Variants in SLC7A8 observed in about 807,000 individuals in gnomAD.
SLC7A8 encodes solute carrier family 7 member 8.
A neutral mutation model predicts 51.2 loss-of-function variants in SLC7A8; 30 were observed. The ratio of observed to expected loss-of-function variants is 0.59; its 90% CI spans 0.44 to 0.80. The LOEUF (loss-of-function observed/expected upper bound fraction) is 0.80. Ranked by LOEUF, SLC7A8 falls within the 30% of genes least tolerant of loss-of-function variation. The pLI is 0.00. For missense variants in SLC7A8, 612 were observed against 674.4 expected, an observed-to-expected ratio of 0.91 and a Z score of 1.03; for synonymous variants, 257 against 275.8, an observed-to-expected ratio of 0.93 and a Z score of 0.67.
At chr14:23,176,451 T>A (rs2140340951) in intron 1 of SLC7A8, among the ~76,000 whole-genome samples, 1 of 152,278 alleles carries the variant, frequency 6.6e-6, no homozygotes. Context: ...TGGTTACCAA[T>A]TAGAAATGAG....
chr14:23,176,712 C>T (rs1046887067), intron 1 of SLC7A8, among the ~76,000 whole-genome samples: 2 of 152,022 alleles, frequency 1.3e-5, no homozygotes, highest in Non-Finnish European at 2.9e-5. Context: ...GAGGCCAAGG[C>T]GGGCAGATCA....
At position 23,183,141 on chromosome 14, in the gene SLC7A8, A is replaced by T. The variant is rs80281690; in HGVS notation, c.-227T>A. On this transcript the variant is annotated 5_prime_UTR_variant, in exon 1 of 11. Transcript: ENST00000316902. ...TACAAACAAGAAAAGTGTTGCTAAA[A>T]AAAAAAAAAAAAAAAAAGGCCAGGG... 1 of 452,060 alleles carries T rather than the reference A, an allele frequency of 2.2e-6. No homozygotes were observed. The highest frequency in any genetic ancestry group is 3.0e-5 in the South Asian group (1 of 33,638). 28.0% of individuals were successfully genotyped at this position (452,060 alleles called of 1,614,324 possible).
rs149666229 is a variant in SLC7A8, at chr14:23,125,596, C to G, written c.*1581G>C. On this transcript the variant is annotated 3_prime_UTR_variant, in exon 11 of 11. Coordinates refer to ENST00000316902, the MANE Select transcript of SLC7A8 (RefSeq NM_012244.4). Reference sequence around the variant, plus strand: ...CCTCCAGGGGCCAACCCCAGCCTGCCGGGCATCTACTCTGAAGGGGTCACA... The same window carrying G: ...CCTCCAGGGGCCAACCCCAGCCTGCGGGGCATCTACTCTGAAGGGGTCACA... 1 of 152,470 alleles carries G rather than the reference C, an allele frequency of 6.6e-6. No homozygotes were observed. The highest frequency in any genetic ancestry group is 1.9e-4 in the East Asian group (1 of 5,178). 9.4% of individuals were successfully genotyped at this position (152,470 alleles called of 1,614,324 possible). A position where few individuals can be genotyped will look rare whatever the true frequency, so the allele number is the denominator to read the frequency against.
intron 6 of SLC7A8, 93 bp downstream of exon 6, chr14:23,139,331 A>C: frequency 6.3e-7 from 1 of 1,581,356 alleles, no homozygotes; most frequent in Non-Finnish European, 8.7e-7. Context: ...CCACTTCCAC[A>C]AGGCCATGGA....
chr14:23,127,736 C>G (rs551524235), intron 10 of SLC7A8, among the ~76,000 whole-genome samples: 12 of 152,352 alleles, frequency 7.9e-5, no homozygotes, highest in Admixed American at 3.9e-4. Flanking sequence ...TCTGTCTCAG[C>G]CTCCCAAAGT....
At chr14:23,178,543 A>C (rs1877022310) in intron 1 of SLC7A8, among the ~76,000 whole-genome samples, 1 of 151,554 alleles carries the variant, frequency 6.6e-6, no homozygotes, top group South Asian at 2.1e-4. Flanking sequence ...CAATCATTTG[A>C]GTAAGTATTC....
chr14:23,132,290 C>G (rs1453437601), intron 7 of SLC7A8, among the ~76,000 whole-genome samples: 2 of 152,120 alleles, frequency 1.3e-5, no homozygotes, highest in Non-Finnish European at 2.9e-5. Context: ...GCGTGAGCCA[C>G]CGCGCCTGGC....
intron 7 of SLC7A8, 35 bp downstream of exon 7, chr14:23,137,886 G>C (rs761385572): frequency 1.9e-6 from 3 of 1,607,776 alleles, no homozygotes; most frequent in Non-Finnish European, 2.5e-6. Context: ...CAGCAGAGTG[G>C]CCCCTGGCCG....
Position 23,165,209 on chromosome 14 carries a change from A to C in SLC7A8, c.508+76T>G. ...CTCCAGCCTGAGTGACAGAGTGAAGACTCTGTTTCTAAAAATAATAATAAT... is the reference window on the plus strand; with the variant it reads ...CTCCAGCCTGAGTGACAGAGTGAAGCCTCTGTTTCTAAAAATAATAATAAT... On this transcript the variant is annotated intron_variant, in intron 3 of 10. Coordinates refer to ENST00000316902, the MANE Select transcript of SLC7A8 (RefSeq NM_012244.4). This position sits in a 1 kb window ranked among gnomAD's most constrained non-coding sequence, Gnocchi z 4.2. 1 of 1,385,714 alleles carries C rather than the reference A, an allele frequency of 7.2e-7. No individual in the cohort carries two copies. Among genetic ancestry groups the C allele is most frequent in the South Asian group, 1.6e-5 (1 of 63,934 alleles). The allele number at this position is 1,385,714 out of a possible 1,614,324, so 85.8% of individuals were successfully genotyped here.
At chr14:23,173,370 G>A (rs73600417) in intron 1 of SLC7A8, among the ~76,000 whole-genome samples, 5,568 of 152,280 alleles carry the variant, frequency 0.037, 335 homozygotes, top group African/African-American at 0.13. Context: ...GCTGATGAGT[G>A]AGTAGACTCA....
intron 1 of SLC7A8, among the ~76,000 whole-genome samples, chr14:23,180,011 T>C (rs1877094582): frequency 6.6e-6 from 1 of 151,426 alleles, no homozygotes; most frequent in African/African-American, 2.4e-5. Context: ...GTTCAAGCAA[T>C]TCTCCTGCCT....
At chr14:23,159,282 A>C (rs139168772) in intron 3 of SLC7A8, among the ~76,000 whole-genome samples, 207 of 152,354 alleles carry the variant, frequency 1.4e-3, no homozygotes, top group African/African-American at 4.8e-3. Context: ...AATGCATCAT[A>C]AAAATGAAAA....
At chr14:23,131,159 A>AT (rs367807042) in intron 8 of SLC7A8, among the ~76,000 whole-genome samples, 189 of 152,146 alleles carry the variant, frequency 1.2e-3, no homozygotes, top group Middle Eastern at 6.8e-3. Context: ...AGGGAGATAT[A>AT]TTTTTTTTGA....
chr14:23,154,383 G>A, intron 3 of SLC7A8: 2 of 998,282 alleles, frequency 2.0e-6, no homozygotes, highest in Non-Finnish European at 2.4e-6. Flanking sequence ...CTGGGTCTGG[G>A]TGCCCAGGCT....
chr14:23,132,785 G>A (rs531517415), intron 7 of SLC7A8, among the ~76,000 whole-genome samples: 95 of 152,094 alleles, frequency 6.2e-4, no homozygotes, highest in Non-Finnish European at 1.1e-3. Context: ...ACAGGCATGC[G>A]CCACCACACC....
At chr14:23,155,580 G>A (rs1325241777) in intron 3 of SLC7A8, 1 of 974,174 alleles carries the variant, frequency 1.0e-6, no homozygotes, top group Non-Finnish European at 1.3e-6. Context: ...GGGGAGAAGC[G>A]AAAAACTGGA....
intron 7 of SLC7A8, among the ~76,000 whole-genome samples, chr14:23,135,776 G>A (rs2048685205): frequency 6.6e-6 from 1 of 151,514 alleles, no homozygotes; most frequent in Non-Finnish European, 1.5e-5. Context: ...TGAAGGAGAT[G>A]GGATATCTCA....
intron 3 of SLC7A8, among the ~76,000 whole-genome samples, chr14:23,143,975 A>G (rs1439614717): frequency 1.3e-5 from 2 of 152,244 alleles, no homozygotes; most frequent in African/African-American, 2.4e-5. Flanking sequence ...GTTGTTGCAT[A>G]TATTACAATT....
intron 7 of SLC7A8, among the ~76,000 whole-genome samples, chr14:23,132,091 G>A (rs1189634920): frequency 1.5e-5 from 2 of 136,232 alleles, no homozygotes; most frequent in Non-Finnish European, 3.0e-5. Flanking sequence ...TGCAACCTCC[G>A]CCTCCCAGGT....
Sources: allele counts gnomAD v4.1 joint callset (sites outside exome capture counted in the v4.1 genomes callset), GRCh38; gene constraint gnomAD v4.1.1; non-coding constraint Gnocchi (gnomAD v3.1); transcripts MANE v1.5; gene names NCBI Gene and HGNC (gene_info 2026-07-23, HGNC 2026-07-21).